Variants in BMP5 observed in about 807,000 individuals in gnomAD.
The protein encoded by BMP5 is bone morphogenetic protein 5.
In BMP5, 23 loss-of-function variants were observed where a neutral mutation model predicts 46.6. That is an observed-to-expected ratio of 0.49 (90% CI 0.35 to 0.70). The LOEUF is 0.70. Among genes scored for constraint, BMP5 ranks in the 30% least tolerant of loss-of-function variants. The pLI, the probability that BMP5 is intolerant of heterozygous loss-of-function variation, is 0.00. For synonymous variants in BMP5, 204 were observed against 191.9 expected (o/e 1.06, Z -0.52); for missense variants, 545 against 565.6 (o/e 0.96, Z 0.37).
intron 2 of BMP5, among the ~76,000 whole-genome samples, chr6:55,810,803 G>A (rs1346480401): frequency 6.6e-6 from 1 of 152,144 alleles, no homozygotes; most frequent in African/African-American, 2.4e-5. Context: ...TGAGGCAGAG[G>A]AGCTGTCCTG....
At chr6:55,773,235 G>A (rs1418830974) in intron 4 of BMP5, among the ~76,000 whole-genome samples, 1 of 151,838 alleles carries the variant, frequency 6.6e-6, no homozygotes, top group East Asian at 1.9e-4. Flanking sequence ...AGATGTTCCA[G>A]GATGAGTTCC....
chr6:55,843,279 G>T (rs1777007916), intron 1 of BMP5, among the ~76,000 whole-genome samples: 1 of 151,866 alleles, frequency 6.6e-6, no homozygotes, highest in South Asian at 2.1e-4. Context: ...TTTCATAGAG[G>T]CATACAGTTT....
At chr6:55,849,914 C>T (rs78980837) in intron 1 of BMP5, among the ~76,000 whole-genome samples, 3,159 of 152,100 alleles carry the variant, frequency 0.021, 131 homozygotes, top group East Asian at 0.15. Context: ...ACTAATAAAA[C>T]CTAAACTTAC....
At position 55,755,124 on chromosome 6, in the gene BMP5, TC is replaced by T. The variant is rs1210265141; in HGVS notation, c.*408del. On this transcript the variant is annotated 3_prime_UTR_variant, in exon 7 of 7. Transcript: ENST00000370830. ...GTCTTATTTCTAAATAAATATTCTA[TC>T]ATGGTTTTCATTGGCACAATATAAC... is the stretch of plus-strand genomic sequence containing the variant. 1 of 152,760 alleles carries T rather than the reference TC, an allele frequency of 6.5e-6. No homozygotes were observed. The highest frequency in any genetic ancestry group is 1.5e-5 in the Non-Finnish European group (1 of 68,516). 9.5% of individuals were successfully genotyped at this position (152,760 alleles called of 1,614,324 possible).
intron 3 of BMP5, among the ~76,000 whole-genome samples, chr6:55,786,144 C>T (rs1040119666): frequency 6.6e-6 from 1 of 151,566 alleles, no homozygotes; most frequent in South Asian, 2.1e-4. Context: ...ATTTTTATAC[C>T]ATATCTTAAG....
intron 3 of BMP5, among the ~76,000 whole-genome samples, chr6:55,782,652 G>A (rs533580060): frequency 1.2e-4 from 18 of 152,022 alleles, no homozygotes; most frequent in Admixed American, 3.9e-4. Context: ...GAAAAATAAC[G>A]TGAAGAATAC....
At chr6:55,842,503 T>G (rs550417070) in intron 1 of BMP5, among the ~76,000 whole-genome samples, 116 of 152,216 alleles carry the variant, frequency 7.6e-4, no homozygotes, top group African/African-American at 2.6e-3. Context: ...TGCCTCCACA[T>G]AGCACCTTTA....
At chr6:55,772,601 C>A (rs74810018) in intron 4 of BMP5, among the ~76,000 whole-genome samples, 4,284 of 151,916 alleles carry the variant, frequency 0.028, 83 homozygotes, top group Middle Eastern at 0.071. Context: ...TATTTTTCTC[C>A]ATCTTTCATA....
At chr6:55,808,883 C>T (rs537494603) in intron 2 of BMP5, among the ~76,000 whole-genome samples, 3 of 152,124 alleles carry the variant, frequency 2.0e-5, no homozygotes, top group Non-Finnish European at 2.9e-5. Context: ...ATGGGAGCCT[C>T]CTATCGCTAC....
rs1054842805 is a variant in BMP5 at position 55,753,827 on chromosome 6, C to A, written c.*1706G>T. The A allele has an allele frequency of 6.6e-6, 1 of 151,618 alleles. No individual in the cohort carries two copies. Among genetic ancestry groups the A allele is most frequent in the Admixed American group, 6.6e-5 (1 of 15,190 alleles). The allele number at this position is 151,618 out of a possible 1,614,324, so 9.4% of individuals were successfully genotyped here. ...TTTTGTATTCCTTTTAAATAAAGAACCAAATCAAGAACAGCAGAAATTAGC... is the reference window on the plus strand; with the variant it reads ...TTTTGTATTCCTTTTAAATAAAGAAACAAATCAAGAACAGCAGAAATTAGC... On this transcript the variant is annotated 3_prime_UTR_variant, in exon 7 of 7. Coordinates refer to ENST00000370830, the MANE Select transcript of BMP5 (RefSeq NM_021073.4).
At chr6:55,813,445 T>C (rs1430869530) in intron 2 of BMP5, among the ~76,000 whole-genome samples, 1 of 151,956 alleles carries the variant, frequency 6.6e-6, no homozygotes, top group African/African-American at 2.4e-5. Flanking sequence ...TTGGTTTGGG[T>C]CAATTAACAT....
At position 55,858,972 on chromosome 6, in the gene BMP5, T is replaced by C. The variant is rs373068089; in HGVS notation, c.490+15404A>G. ...TCACACACTGGGGCCTGTCGGCGAG[T>C]AGGGGGCAAAGGGAGGGAGAGCATT... On this transcript the variant is annotated intron_variant, in intron 1 of 6. Coordinates refer to ENST00000370830, the MANE Select transcript of BMP5 (RefSeq NM_021073.4). 2.5e-4 allele frequency among the ~76,000 whole-genome samples: 38 copies of C among 151,804 alleles called. No homozygotes were observed. In the East Asian group the frequency reaches 5.8e-3, roughly 23 times the overall value.
intron 2 of BMP5, among the ~76,000 whole-genome samples, chr6:55,798,295 A>T (rs1775765871): frequency 6.6e-6 from 1 of 152,202 alleles, no homozygotes; most frequent in South Asian, 2.1e-4. Flanking sequence ...GAGAGGGCAC[A>T]ATTCAACCCA....
rs770244836 is a variant in BMP5 at position 55,759,270 on chromosome 6, C to T, written c.1105-155G>A. On this transcript the variant is annotated intron_variant, in intron 5 of 6. Transcript: ENST00000370830. ...TATTGTATCTGAATAGGTTTCTATTCTTGGTCCAACAATTATTCTAATGGA... is the reference window on the plus strand; with the variant it reads ...TATTGTATCTGAATAGGTTTCTATTTTTGGTCCAACAATTATTCTAATGGA... Among the ~76,000 whole-genome samples, 29 of 143,214 alleles carry T rather than the reference C, an allele frequency of 2.0e-4. 1 individual carries two copies. Among genetic ancestry groups the T allele is most frequent in the South Asian group, 2.3e-4 (1 of 4,400 alleles). The allele number at this position is 143,214 out of a possible 152,430, so 94.0% of individuals were successfully genotyped here.
At chr6:55,836,136 A>C (rs1406719411) in intron 1 of BMP5, among the ~76,000 whole-genome samples, 1 of 152,192 alleles carries the variant, frequency 6.6e-6, no homozygotes, top group Non-Finnish European at 1.5e-5. Flanking sequence ...AAAATATCAC[A>C]GGATAAACAA....
intron 3 of BMP5, among the ~76,000 whole-genome samples, chr6:55,780,106 A>G (rs1016996524): frequency 2.0e-5 from 3 of 151,878 alleles, no homozygotes; most frequent in African/African-American, 4.8e-5. Flanking sequence ...CCACTTTGCC[A>G]GTATTATATA....
At chr6:55,794,168 G>A in intron 3 of BMP5, 111 bp downstream of exon 3, 8 of 1,191,000 alleles carry the variant, frequency 6.7e-6, no homozygotes, top group Non-Finnish European at 7.2e-6. Context: ...AGAATGCGTT[G>A]ACTTGGACAT....
intron 1 of BMP5, among the ~76,000 whole-genome samples, chr6:55,826,646 T>C (rs1776538916): frequency 6.6e-6 from 1 of 151,444 alleles, no homozygotes; most frequent in Non-Finnish European, 1.5e-5. Context: ...ATAACAGCTA[T>C]GCATACCAAG....
At chr6:55,785,284 T>G (rs1432808182) in intron 3 of BMP5, among the ~76,000 whole-genome samples, 1 of 151,802 alleles carries the variant, frequency 6.6e-6, no homozygotes, top group African/African-American at 2.4e-5. Context: ...AGAAGAATGT[T>G]TGAAAATACA....
Sources: allele counts gnomAD v4.1 joint callset (sites outside exome capture counted in the v4.1 genomes callset), GRCh38; gene constraint gnomAD v4.1.1; transcripts MANE v1.5; gene names NCBI Gene and HGNC (gene_info 2026-07-23, HGNC 2026-07-21).